The following TDRD9 variants were observed in gnomAD, a reference collection of about 807,000 sequenced individuals.
TDRD9 encodes the protein ATP-dependent RNA helicase TDRD9.
Under a neutral mutation model 172.6 loss-of-function variants are expected in TDRD9, and 124 were observed. The observed-to-expected ratio is 0.72, with a 90% CI of 0.62 to 0.83. The LOEUF is 0.83. TDRD9 is among the 40% of genes least tolerant of loss of function. The pLI is 0.00. For synonymous variants in TDRD9, 619 were observed against 617.1 expected (o/e 1.00, Z -0.05); for missense variants, 1,479 against 1,714.1 (o/e 0.86, Z 2.42).
In TDRD9 at chr14:103,989,000, C is replaced by T. The variant is rs117327469; in HGVS notation, c.1116-2160C>T. On this transcript the variant is annotated intron_variant, in intron 8 of 35. Transcript: ENST00000409874. ...GTGGATTTGAAATACTCTCTGGGGT[C>T]GGCTGTTTTCAGCACAAAAAAACTT... is the stretch of plus-strand genomic sequence containing the variant. 7.3e-3 allele frequency among the ~76,000 whole-genome samples: 1,106 copies of T among 152,032 alleles called. 21 individuals are homozygous for T. The highest frequency in any genetic ancestry group is 0.045 in the East Asian group (234 of 5,186).
intron 2 of TDRD9, among the ~76,000 whole-genome samples, chr14:103,962,781 T>A (rs1337349559): frequency 6.6e-6 from 1 of 152,204 alleles, no homozygotes; most frequent in Non-Finnish European, 1.5e-5. Context: ...TCCAGCTACA[T>A]CCATGTTGCT....
chr14:103,967,542 C>T (rs2032805659), intron 5 of TDRD9, among the ~76,000 whole-genome samples: 1 of 151,694 alleles, frequency 6.6e-6, no homozygotes, highest in South Asian at 2.1e-4. Context: ...CAATAACAAC[C>T]AAAAGGATAA....
chr14:103,983,180 C>T (rs1376153299), intron 7 of TDRD9, among the ~76,000 whole-genome samples: 1 of 148,056 alleles, frequency 6.8e-6, no homozygotes, highest in Non-Finnish European at 1.5e-5. Context: ...TTTCCTGCCT[C>T]AGTCTCCCGA....
At chr14:103,957,641 G>A (rs921295023) in intron 2 of TDRD9, among the ~76,000 whole-genome samples, 31 of 152,336 alleles carry the variant, frequency 2.0e-4, no homozygotes, top group African/African-American at 7.2e-4. Flanking sequence ...TTGGAGGTAG[G>A]AAGTAGCCGT....
chr14:104,031,081 CA>C, intron 28 of TDRD9, 26 bp from the exon 29 acceptor site: 1 of 1,539,578 alleles, frequency 6.5e-7, no homozygotes, highest in Middle Eastern at 1.7e-4. Context: ...TTTCTTTTAA[CA>C]AAACAAACTT....
chr14:104,024,673 T>G lies in TDRD9; in HGVS notation c.2711T>G (p.Val904Gly). 6.3e-7 allele frequency: 1 copy of G among 1,587,602 alleles called. No homozygotes were observed. The highest frequency in any genetic ancestry group is 8.6e-7 in the Non-Finnish European group (1 of 1,157,622). ...ACAGATCTCCTTCTAACTATTGATG[T>G]CACAGAGGTAAGGATGAAGTAATTG... ...TVTDLLLTID[V>G]TEVVEVGHFW... The change falls in exon 25 of 36, where the codon GTC becomes GGC. Residue 904 changes from valine to glycine, a missense_variant. Physicochemically the swap from Val to Gly is moderately radical, Grantham distance 109. This residue lies in a region of TDRD9 where 1,413 missense variants were observed against 1,649.1 expected (regional missense o/e 0.86). Transcript: ENST00000409874.
chr14:104,019,765 T>C (rs1204374784), intron 23 of TDRD9, among the ~76,000 whole-genome samples: 1 of 152,204 alleles, frequency 6.6e-6, no homozygotes, highest in Non-Finnish European at 1.5e-5. Context: ...ATAAGAAGCT[T>C]TCAACTTCGT....
At position 103,994,593 on chromosome 14, in the gene TDRD9, G is replaced by C. The variant is rs1352745082; in HGVS notation, c.1310G>C (p.Gly437Ala). ...AATGTCTTTTTAAGTCCAGTCCCTG[G>C]GTACAGAAAGGTAGGAAAACTGGGA... Reference protein sequence around the residue: ...QNNVFLSPVPGYRKIILSTNI... With the variant: ...QNNVFLSPVPAYRKIILSTNI... The change falls in exon 11 of 36, where the codon GGG becomes GCG. Residue 437 changes from glycine to alanine, a missense_variant. Physicochemically the swap from Gly to Ala is moderately conservative, Grantham distance 60. This residue lies in a region of TDRD9 where 1,413 missense variants were observed against 1,649.1 expected (regional missense o/e 0.86). Transcript: ENST00000409874. The C allele has an allele frequency of 6.2e-7, 1 of 1,612,564 alleles. No individual in the cohort carries two copies. Among genetic ancestry groups the C allele is most frequent in the Non-Finnish European group, 8.5e-7 (1 of 1,179,142 alleles).
intron 34 of TDRD9, among the ~76,000 whole-genome samples, chr14:104,049,124 G>A (rs111385497): frequency 0.011 from 1,576 of 140,710 alleles, 10 homozygotes; most frequent in Middle Eastern, 0.019. Flanking sequence ...GTATGTATGT[G>A]TGTGTGTGTG....
At position 103,975,453 on chromosome 14, in the gene TDRD9, A is replaced by G; in HGVS notation, c.911A>G (p.Gln304Arg). The G allele has an allele frequency of 6.2e-7, 1 of 1,613,994 alleles. No individual in the cohort carries two copies. The stretch of plus-strand genomic sequence containing the variant: ...GCAGACTACTTTGCTGTTCCTGTTC[A>G]AAACAAGATGAATCCTGCATATATT... ...EFADYFAVPV[Q>R]NKMNPAYIFE... Residue 304 changes from glutamine (Q) to arginine (R), a missense_variant, in exon 7 of 36, where the codon CAA becomes CGA. By Grantham distance (43) the Gln-to-Arg change is conservative. Coordinates refer to ENST00000409874, the MANE Select transcript of TDRD9 (RefSeq NM_153046.3).
intron 20 of TDRD9, among the ~76,000 whole-genome samples, chr14:104,010,638 A>C (rs1440651054): frequency 6.6e-6 from 1 of 150,530 alleles, no homozygotes; most frequent in African/African-American, 2.5e-5. Context: ...AGGAGTATAT[A>C]CTCTGAAATA....
At chr14:103,994,216 A>G (rs1310495403) in intron 9 of TDRD9, 116 bp from the exon 10 acceptor site, 4 of 848,412 alleles carry the variant, frequency 4.7e-6, no homozygotes, top group Non-Finnish European at 3.9e-6. Flanking sequence ...AGGATAAAGA[A>G]GTCAAATAAA....
intron 1 of TDRD9, among the ~76,000 whole-genome samples, chr14:103,934,507 G>A (rs971785620): frequency 1.3e-5 from 2 of 152,312 alleles, no homozygotes; most frequent in African/African-American, 2.4e-5. Flanking sequence ...AGCCGAGCAC[G>A]GTGGCTCATG....
At chr14:104,043,876 C>A (rs1185729818) in intron 34 of TDRD9, among the ~76,000 whole-genome samples, 2 of 152,222 alleles carry the variant, frequency 1.3e-5, no homozygotes, top group African/African-American at 2.4e-5. Flanking sequence ...AGCCTTTGAT[C>A]CCCTCTCTGC....
chr14:103,953,916 A>G (rs1287444721), intron 1 of TDRD9, among the ~76,000 whole-genome samples: 4 of 152,106 alleles, frequency 2.6e-5, no homozygotes, highest in Non-Finnish European at 5.9e-5. Context: ...TCAAATGCTA[A>G]CCTCTTCCTG....
At chr14:103,939,743 GTTTTTTTTT>G (rs371934680) in intron 1 of TDRD9, 1 of 17,448 alleles carries the variant, frequency 5.7e-5, no homozygotes, top group Non-Finnish European at 1.2e-4. Flanking sequence ...GAAAAAAAGT[GTTTTTTTTT>G]TTTTTTTTTT....
intron 30 of TDRD9, 48 bp from the exon 31 acceptor site, chr14:104,033,912 C>G (rs1350255300): frequency 1.6e-6 from 2 of 1,243,952 alleles, no homozygotes; most frequent in Non-Finnish European, 2.3e-6. Flanking sequence ...AGCACATTGC[C>G]TGGTTAGTGG....
Position 104,052,138 on chromosome 14 carries a change from C to G in TDRD9, c.*56C>G. On this transcript the variant is annotated 3_prime_UTR_variant, in exon 36 of 36. Transcript: ENST00000409874. ...CTCAGGAAGCTGTGGAGGCTGGATT[C>G]CAGGCTCCCTCCGCAGACTGACTTT... 1 of 1,288,622 alleles carries G rather than the reference C, an allele frequency of 7.8e-7. No homozygotes were observed. The highest frequency in any genetic ancestry group is 1.1e-6 in the Non-Finnish European group (1 of 911,518). The allele number at this position is 1,288,622 out of a possible 1,614,324, so 79.8% of individuals were successfully genotyped here.
chr14:104,015,517 A>G (rs2034762922), intron 21 of TDRD9, among the ~76,000 whole-genome samples: 1 of 152,174 alleles, frequency 6.6e-6, no homozygotes, highest in Non-Finnish European at 1.5e-5. Context: ...GACTCTTTGC[A>G]GAGTGCATTT....
Sources: allele counts gnomAD v4.1 joint callset (sites outside exome capture counted in the v4.1 genomes callset), GRCh38; gene constraint gnomAD v4.1.1; regional missense constraint gnomAD v4.1.1; transcripts MANE v1.5; gene names NCBI Gene and HGNC (gene_info 2026-07-23, HGNC 2026-07-21).